DCBLD2: variants seen among roughly 807,000 people sequenced by gnomAD.
DCBLD2 encodes the protein discoidin, CUB and LCCL domain containing 2.
A neutral mutation model predicts 86.8 loss-of-function variants in DCBLD2; 54 were observed. The observed-to-expected ratio is 0.62, with a 90% CI of 0.50 to 0.78. The LOEUF (loss-of-function observed/expected upper bound fraction) is 0.78, where lower values mean the gene tolerates loss of function less well. Among genes scored for constraint, DCBLD2 ranks in the 30% least tolerant of loss-of-function variants. The pLI is 0.00. For missense variants in DCBLD2, 908 were observed against 954.2 expected (o/e 0.95, Z 0.64); for synonymous variants, 354 against 341.3 (o/e 1.04, Z -0.41).
At chr3:98,801,234 G>A in intron 14 of DCBLD2, 2 of 257,278 alleles carry the variant, frequency 7.8e-6, no homozygotes, top group South Asian at 2.7e-4. Context: ...AATAACCATG[G>A]CAGAGGACAA....
chr3:98,879,599 G>A (rs1009494736), intron 2 of DCBLD2, among the ~76,000 whole-genome samples: 20 of 152,186 alleles, frequency 1.3e-4, no homozygotes, highest in African/African-American at 4.6e-4. Flanking sequence ...ATGTTAGCCA[G>A]GATGGTCTCG....
chr3:98,834,197 C>T (rs1396210909), intron 3 of DCBLD2, among the ~76,000 whole-genome samples: 1 of 144,742 alleles, frequency 6.9e-6, no homozygotes, highest in African/African-American at 2.5e-5. Flanking sequence ...ATAGATGTAC[C>T]TATTTTGGGG....
intron 2 of DCBLD2, among the ~76,000 whole-genome samples, chr3:98,878,327 C>A (rs993032293): frequency 6.6e-6 from 1 of 152,088 alleles, no homozygotes; most frequent in African/African-American, 2.4e-5. Flanking sequence ...GTATTCTTGC[C>A]AAAAGTCTGT....
chr3:98,894,604 A>C (rs922004481), intron 1 of DCBLD2, among the ~76,000 whole-genome samples: 3 of 152,262 alleles, frequency 2.0e-5, no homozygotes, highest in African/African-American at 7.2e-5. Context: ...CCTCCTGGGA[A>C]GAGGTGGGAC....
intron 3 of DCBLD2, among the ~76,000 whole-genome samples, chr3:98,840,320 G>A (rs1942596963): frequency 6.6e-6 from 1 of 152,108 alleles, no homozygotes; most frequent in Non-Finnish European, 1.5e-5. Context: ...TGAAGCTTGA[G>A]AAAAAGAGAG....
chr3:98,818,578 C>G (rs1425962989), intron 8 of DCBLD2, among the ~76,000 whole-genome samples: 2 of 152,128 alleles, frequency 1.3e-5, no homozygotes, highest in Admixed American at 1.3e-4. Context: ...GAGGGTGTTG[C>G]TAGAGGAGAT....
intron 3 of DCBLD2, among the ~76,000 whole-genome samples, chr3:98,830,041 C>T (rs1942292851): frequency 6.6e-6 from 1 of 152,082 alleles, no homozygotes; most frequent in Admixed American, 6.6e-5. Context: ...TATGTGTCTT[C>T]TTTGGAAAAG....
At chr3:98,897,392 T>C (rs949750594) in intron 1 of DCBLD2, among the ~76,000 whole-genome samples, 8 of 152,176 alleles carry the variant, frequency 5.3e-5, no homozygotes, top group Non-Finnish European at 8.8e-5. Flanking sequence ...AAAGGATGCT[T>C]TGATTTATTT....
intron 2 of DCBLD2, among the ~76,000 whole-genome samples, chr3:98,869,491 T>C (rs1004366706): frequency 6.6e-6 from 1 of 152,222 alleles, no homozygotes; most frequent in Non-Finnish European, 1.5e-5. Context: ...TGTCTCTTAC[T>C]AATAAATTCT....
intron 1 of DCBLD2, among the ~76,000 whole-genome samples, chr3:98,890,017 A>C (rs1943631117): frequency 6.6e-6 from 1 of 151,908 alleles, no homozygotes; most frequent in Non-Finnish European, 1.5e-5. Context: ...AGATTTCTTT[A>C]GTTGCCTATA....
Sources: allele counts gnomAD v4.1 joint callset (sites outside exome capture counted in the v4.1 genomes callset), GRCh38; gene constraint gnomAD v4.1.1; transcripts MANE v1.5; gene names NCBI Gene and HGNC (gene_info 2026-07-23, HGNC 2026-07-21).